ANKS1B: variants seen among roughly 807,000 people sequenced by gnomAD.
ANKS1B encodes ankyrin repeat and sterile alpha motif domain containing 1B, also known as ankyrin repeat and sterile alpha motif domain-containing protein 1B.
A neutral mutation model predicts 148.3 loss-of-function variants in ANKS1B; 36 were observed. The ratio of observed to expected loss-of-function variants is 0.24; its 90% CI spans 0.19 to 0.32. The LOEUF is 0.32. ANKS1B is among the 10% of genes least tolerant of loss of function. ANKS1B has a pLI of 1.00. For synonymous variants in ANKS1B, 542 were observed against 560.8 expected (o/e 0.97, Z 0.47); for missense variants, 1,157 against 1,542.6 (o/e 0.75, Z 4.19).
intron 10 of ANKS1B, among the ~76,000 whole-genome samples, chr12:99,493,245 A>C (rs1286128689): frequency 6.6e-6 from 1 of 152,244 alleles, no homozygotes; most frequent in Non-Finnish European, 1.5e-5. Context: ...TATCTTTAGC[A>C]GATGCAAGGT....
chr12:99,127,311 T>G (rs2064692772), intron 15 of ANKS1B, among the ~76,000 whole-genome samples: 1 of 152,028 alleles, frequency 6.6e-6, no homozygotes, highest in African/African-American at 2.4e-5. Flanking sequence ...CATCCCTTTC[T>G]CAGGTACTTC....
At chr12:99,084,000 C>T (rs150334268) in intron 16 of ANKS1B, 1 of 152,266 alleles carries the variant, frequency 6.6e-6, no homozygotes, top group East Asian at 1.9e-4. Context: ...TACTTTGACA[C>T]CTTATCTGGA....
At chr12:98,988,167 A>T (rs963015743) in intron 17 of ANKS1B, among the ~76,000 whole-genome samples, 2 of 152,174 alleles carry the variant, frequency 1.3e-5, no homozygotes, top group Non-Finnish European at 1.5e-5. Context: ...TATATTAACT[A>T]TAGTCACCAC....
intron 17 of ANKS1B, among the ~76,000 whole-genome samples, chr12:98,917,434 G>A (rs538985625): frequency 3.3e-5 from 5 of 152,212 alleles, no homozygotes; most frequent in African/African-American, 1.2e-4. Context: ...TTGCCTCAAA[G>A]TCCCAGCTAA....
At chr12:98,832,361 C>T (rs2099325612) in intron 17 of ANKS1B, among the ~76,000 whole-genome samples, 1 of 152,124 alleles carries the variant, frequency 6.6e-6, no homozygotes, top group South Asian at 2.1e-4. Context: ...GGATGGTTCT[C>T]CTTCCACTCA....
At chr12:99,108,079 C>A (rs567540875) in intron 15 of ANKS1B, among the ~76,000 whole-genome samples, 3 of 152,152 alleles carry the variant, frequency 2.0e-5, no homozygotes, top group Non-Finnish European at 4.4e-5. Flanking sequence ...GCTCAAATGA[C>A]CTTATCCTGG....
At chr12:99,081,134 C>A (rs1276126401) in intron 16 of ANKS1B, among the ~76,000 whole-genome samples, 5 of 152,120 alleles carry the variant, frequency 3.3e-5, no homozygotes, top group Admixed American at 6.5e-5. Context: ...TTAAAAAAGA[C>A]ATATTAAAGA....
At chr12:99,279,565 G>C (rs2078120345) in intron 12 of ANKS1B, among the ~76,000 whole-genome samples, 1 of 152,158 alleles carries the variant, frequency 6.6e-6, no homozygotes, top group African/African-American at 2.4e-5. Flanking sequence ...CATGCAATCT[G>C]TGGGGTGGGG....
intron 3 of ANKS1B, among the ~76,000 whole-genome samples, chr12:99,807,345 G>A (rs1241172222): frequency 2.0e-5 from 3 of 152,024 alleles, no homozygotes; most frequent in African/African-American, 7.2e-5. Flanking sequence ...CAGCTTATAA[G>A]GGTTCAGTTG....
chr12:98,748,241 A>G (rs2097950287), intron 26 of ANKS1B, among the ~76,000 whole-genome samples: 1 of 151,956 alleles, frequency 6.6e-6, no homozygotes, highest in South Asian at 2.1e-4. Flanking sequence ...ATGGTCGTTG[A>G]GGGGTTGGGG....
At position 99,418,703 on chromosome 12, in the gene ANKS1B, T is replaced by G. The variant is rs548933142; in HGVS notation, c.1576-18892A>C. 2.6e-5 allele frequency among the ~76,000 whole-genome samples: 4 copies of G among 152,338 alleles called. 1 individual carries two copies. Among genetic ancestry groups the G allele is most frequent in the African/African-American group, 9.6e-5 (4 of 41,584 alleles). On this transcript the variant is annotated intron_variant, in intron 11 of 26. Transcript: ENST00000683438. Reference sequence around the variant, plus strand: ...TGTTGAGTGACAGTGGTGAGCACAGTGGACATCCTTGCTTTGTTCCTAATC... The same window carrying G: ...TGTTGAGTGACAGTGGTGAGCACAGGGGACATCCTTGCTTTGTTCCTAATC...
chr12:99,155,592 A>T (rs527337751), intron 14 of ANKS1B, among the ~76,000 whole-genome samples: 25 of 152,294 alleles, frequency 1.6e-4, no homozygotes, highest in African/African-American at 6.0e-4. Flanking sequence ...TTCAAGAATA[A>T]CAGATGTAAA....
chr12:99,037,259 G>A (rs1358123747), intron 17 of ANKS1B, among the ~76,000 whole-genome samples: 4 of 152,154 alleles, frequency 2.6e-5, no homozygotes, highest in Non-Finnish European at 5.9e-5. Flanking sequence ...GCTCACGTCT[G>A]TAATCCCAGC....
chr12:99,946,594 A>G (rs867012527), intron 1 of ANKS1B, among the ~76,000 whole-genome samples: 7 of 152,134 alleles, frequency 4.6e-5, no homozygotes, highest in Non-Finnish European at 8.8e-5. Context: ...CAGGGCTTCA[A>G]TATATGAAAT....
At chr12:99,743,576 G>C (rs2060314159) in intron 8 of ANKS1B, among the ~76,000 whole-genome samples, 1 of 152,194 alleles carries the variant, frequency 6.6e-6, no homozygotes. Flanking sequence ...ATAGGAATCT[G>C]TATGTGGCTG....
At chr12:99,179,600 G>A (rs1440490151) in intron 14 of ANKS1B, among the ~76,000 whole-genome samples, 1 of 151,996 alleles carries the variant, frequency 6.6e-6, no homozygotes, top group Non-Finnish European at 1.5e-5. Context: ...ATGGTTTAGG[G>A]CCATGTAACA....
At chr12:99,038,735 G>C (rs1000312003) in intron 17 of ANKS1B, among the ~76,000 whole-genome samples, 9 of 152,172 alleles carry the variant, frequency 5.9e-5, no homozygotes, top group Admixed American at 5.9e-4. Context: ...AAACAGGCAC[G>C]GTCCTGCCGC....
intron 24 of ANKS1B, among the ~76,000 whole-genome samples, chr12:98,780,826 A>G (rs748578874): frequency 9.9e-5 from 15 of 152,198 alleles, no homozygotes; most frequent in Non-Finnish European, 1.3e-4. Context: ...ATGCTGGATA[A>G]TAAGTGGCCA....
At chr12:98,868,210 G>C (rs2099635411) in intron 17 of ANKS1B, among the ~76,000 whole-genome samples, 1 of 152,094 alleles carries the variant, frequency 6.6e-6, no homozygotes, top group South Asian at 2.1e-4. Flanking sequence ...CGTAATTCAA[G>C]GCAGAACACA....
Sources: gnomAD v4.1 joint callset for allele counts (sites outside exome capture counted in the v4.1 genomes callset) on GRCh38, gnomAD v4.1.1 for gene constraint, MANE v1.5 for transcripts, NCBI Gene and HGNC (gene_info 2026-07-23, HGNC 2026-07-21) for gene names.